Variants in LRRFIP1 observed in about 807,000 individuals in gnomAD.
LRRFIP1 encodes leucine-rich repeat flightless-interacting protein 1.
In LRRFIP1, 62 loss-of-function variants were observed where a neutral mutation model predicts 104.4. The observed-to-expected ratio is 0.59, with a 90% CI of 0.48 to 0.73. LRRFIP1 has a LOEUF of 0.73. Ranked by LOEUF, LRRFIP1 falls within the 30% of genes least tolerant of loss-of-function variation. The pLI, the probability that LRRFIP1 is intolerant of heterozygous loss-of-function variation, is 0.00. For synonymous variants in LRRFIP1, 300 were observed against 299.0 expected, an observed-to-expected ratio of 1.00 and a Z score of -0.03; for missense variants, 796 against 824.5, an observed-to-expected ratio of 0.97 and a Z score of 0.42.
intron 8 of LRRFIP1, among the ~76,000 whole-genome samples, chr2:237,729,385 C>T (rs1477686536): frequency 3.3e-5 from 5 of 152,176 alleles, no homozygotes; most frequent in African/African-American, 4.8e-5. Context: ...AGCCCGCAGG[C>T]GGGCTGGGCT....
At chr2:237,764,207 C>T in intron 19 of LRRFIP1, 1 of 1,613,458 alleles carries the variant, frequency 6.2e-7, no homozygotes, top group South Asian at 1.1e-5. Flanking sequence ...CTCTCCACTG[C>T]CAATGTAAGT....
intron 1 of LRRFIP1, among the ~76,000 whole-genome samples, chr2:237,651,388 C>A (rs763203141): frequency 9.9e-5 from 15 of 152,228 alleles, no homozygotes; most frequent in Non-Finnish European, 2.1e-4. Flanking sequence ...CATCTAATAT[C>A]TAAAACATAA....
intron 1 of LRRFIP1, among the ~76,000 whole-genome samples, chr2:237,664,211 G>T (rs2088711965): frequency 6.6e-6 from 1 of 152,278 alleles, no homozygotes; most frequent in African/African-American, 2.4e-5. Flanking sequence ...AGTCCTGGCT[G>T]GGGCCGCAGT....
At chr2:237,744,698 A>C (rs1460421565) in intron 11 of LRRFIP1, among the ~76,000 whole-genome samples, 1 of 152,258 alleles carries the variant, frequency 6.6e-6, no homozygotes, top group Non-Finnish European at 1.5e-5. Context: ...TGTGGCTGTA[A>C]AATACAACAC....
At chr2:237,696,702 GACTC>G (rs2093207122) in intron 1 of LRRFIP1, among the ~76,000 whole-genome samples, 2 of 152,214 alleles carry the variant, frequency 1.3e-5, no homozygotes, top group South Asian at 4.1e-4. Flanking sequence ...CAGGCCTGCT[GACTC>G]GGAACTGGTA....
At chr2:237,753,651 G>A (rs1000139106) in intron 15 of LRRFIP1, among the ~76,000 whole-genome samples, 172 bp downstream of exon 15, 1 of 152,122 alleles carries the variant, frequency 6.6e-6, no homozygotes, top group African/African-American at 2.4e-5. Context: ...AAAACAATTA[G>A]CCAGGTGGTA....
chr2:237,685,447 G>A (rs1331812680), intron 1 of LRRFIP1, among the ~76,000 whole-genome samples: 2 of 152,150 alleles, frequency 1.3e-5, no homozygotes, highest in South Asian at 4.1e-4. Context: ...CAGGTACAGT[G>A]CACCTTGACT....
chr2:237,677,668 T>G (rs1474092131), intron 1 of LRRFIP1, among the ~76,000 whole-genome samples: 1 of 152,110 alleles, frequency 6.6e-6, no homozygotes, highest in Non-Finnish European at 1.5e-5. Context: ...AAAATGTGAA[T>G]TATTTGAAGT....
intron 8 of LRRFIP1, among the ~76,000 whole-genome samples, chr2:237,730,584 C>G (rs1009123637): frequency 6.6e-6 from 1 of 152,076 alleles, no homozygotes; most frequent in Non-Finnish European, 1.5e-5. Context: ...GGGAGGGAGA[C>G]ACTGGTTTTG....
chr2:237,773,082 C>G (rs2060787561), intron 22 of LRRFIP1, 137 bp downstream of exon 22: 2 of 655,790 alleles, frequency 3.0e-6, no homozygotes, highest in South Asian at 3.8e-5. Context: ...TAAGTTAAGA[C>G]AGCAAGTCTT....
At chr2:237,725,430 T>A (rs928771852) in intron 7 of LRRFIP1, among the ~76,000 whole-genome samples, 1 of 152,214 alleles carries the variant, frequency 6.6e-6, no homozygotes. Flanking sequence ...TATGGACTTT[T>A]GTTCTAATAT....
intron 1 of LRRFIP1, chr2:237,692,146 C>T (rs1244674977): frequency 2.8e-6 from 2 of 721,174 alleles, no homozygotes; most frequent in African/African-American, 4.1e-5. Flanking sequence ...GGCGGAACTG[C>T]GTGGGGGGCG....
intron 1 of LRRFIP1, among the ~76,000 whole-genome samples, chr2:237,647,099 G>C (rs74614992): frequency 0.031 from 4,726 of 151,942 alleles, 242 homozygotes; most frequent in African/African-American, 0.11. Context: ...TTCCTCATTT[G>C]ACGTTTTTCA....
intron 1 of LRRFIP1, among the ~76,000 whole-genome samples, chr2:237,666,763 TTCTC>T (rs2089348547): frequency 7.8e-6 from 1 of 127,670 alleles, no homozygotes; most frequent in Non-Finnish European, 1.7e-5. Flanking sequence ...TTCTCTTTCT[TTCTC>T]TCTTTCTCTC....
In LRRFIP1 at chr2:237,774,343, T is replaced by A. The variant is rs899761857; in HGVS notation, c.1708-15T>A. 3 of 1,526,720 alleles carry A rather than the reference T, an allele frequency of 2.0e-6. No homozygotes were observed. The allele number at this position is 1,526,720 out of a possible 1,614,324, so 94.6% of individuals were successfully genotyped here. On this transcript the variant is annotated splice_polypyrimidine_tract_variant and intron_variant, in intron 22 of 23. Transcript: ENST00000308482. ...CTTATCAATTTATACATATGGTTTT[T>A]TTTCTACCTTTTAGGTAATAAGGTT...
chr2:237,715,268 C>T (rs2094283884), intron 3 of LRRFIP1, among the ~76,000 whole-genome samples: 1 of 152,168 alleles, frequency 6.6e-6, no homozygotes, highest in African/African-American at 2.4e-5. Context: ...TTGTGCTTGA[C>T]TAGTGTTTCC....
chr2:237,755,634 T>C (rs1373848945), intron 15 of LRRFIP1, among the ~76,000 whole-genome samples: 2 of 152,240 alleles, frequency 1.3e-5, no homozygotes, highest in Admixed American at 1.3e-4. Context: ...CTGTTTGTGT[T>C]GTTTGAAAGG....
intron 19 of LRRFIP1, chr2:237,764,349 T>A (rs2150879832): frequency 6.8e-7 from 1 of 1,479,416 alleles, no homozygotes; most frequent in Non-Finnish European, 9.0e-7. Flanking sequence ...AAGACATATT[T>A]GTTATCAGTG....
chr2:237,771,240 T>G (rs573236294), intron 20 of LRRFIP1, among the ~76,000 whole-genome samples: 1 of 149,194 alleles, frequency 6.7e-6, no homozygotes, highest in East Asian at 2.0e-4. Context: ...AACTATACGG[T>G]CAGCCCTCCA....
Sources: allele counts gnomAD v4.1 joint callset (sites outside exome capture counted in the v4.1 genomes callset), GRCh38; gene constraint gnomAD v4.1.1; transcripts MANE v1.5; gene names NCBI Gene and HGNC (gene_info 2026-07-23, HGNC 2026-07-21).